Variants in ZSWIM5 observed in about 807,000 individuals in gnomAD.
ZSWIM5 encodes zinc finger SWIM-type containing 5, also known as zinc finger SWIM domain-containing protein 5.
In ZSWIM5, 55 loss-of-function variants were observed where a neutral mutation model predicts 119.6. The ratio of observed to expected loss-of-function variants is 0.46; its 90% CI spans 0.37 to 0.58. The LOEUF is 0.58. ZSWIM5 is among the 20% of genes least tolerant of loss of function. The probability of loss-of-function intolerance (pLI) is 0.00; values close to 1 mark genes in which losing one functional copy is unlikely to be tolerated. For synonymous variants in ZSWIM5, 537 were observed against 606.9 expected, an observed-to-expected ratio of 0.88 and a Z score of 1.69; for missense variants, 1,193 against 1,512.8, an observed-to-expected ratio of 0.79 and a Z score of 3.51.
chr1:45,193,938 G>GTA (rs112350029), intron 1 of ZSWIM5, among the ~76,000 whole-genome samples: 3,329 of 146,160 alleles, frequency 0.023, 37 homozygotes, highest in South Asian at 0.047. Context: ...GTGCATATGT[G>GTA]TATATATATA....
At chr1:45,149,484 T>C (rs1645783005) in intron 1 of ZSWIM5, among the ~76,000 whole-genome samples, 1 of 152,214 alleles carries the variant, frequency 6.6e-6, no homozygotes, top group African/African-American at 2.4e-5. Context: ...AACTGATGGA[T>C]GAAAGTAATT....
At chr1:45,084,148 A>C (rs1360142566) in intron 2 of ZSWIM5, among the ~76,000 whole-genome samples, 1 of 152,080 alleles carries the variant, frequency 6.6e-6, no homozygotes, top group East Asian at 1.9e-4. Context: ...GTGTGCAAGC[A>C]ATCCACACAC....
At chr1:45,058,870 C>A in intron 3 of ZSWIM5, 111 bp from the exon 4 acceptor site, 1 of 1,236,692 alleles carries the variant, frequency 8.1e-7, no homozygotes. Flanking sequence ...TACACCATAT[C>A]CAAAAGAGCC....
intron 1 of ZSWIM5, among the ~76,000 whole-genome samples, chr1:45,198,881 T>C (rs938914004): frequency 9.2e-5 from 14 of 152,256 alleles, no homozygotes; most frequent in Non-Finnish European, 1.9e-4. Flanking sequence ...ATAAAGTTTA[T>C]ACTTTTAATT....
chr1:45,133,585 C>T (rs1217531977), intron 1 of ZSWIM5, among the ~76,000 whole-genome samples: 1 of 152,164 alleles, frequency 6.6e-6, no homozygotes, highest in Non-Finnish European at 1.5e-5. Context: ...ATGGTAGTTT[C>T]TTTTGCTGTG....
chr1:45,125,279 A>G (rs994314606), intron 1 of ZSWIM5, among the ~76,000 whole-genome samples: 12 of 152,348 alleles, frequency 7.9e-5, no homozygotes, highest in Middle Eastern at 3.4e-3. Flanking sequence ...CTAGAAGTCA[A>G]TAACAGAAAG....
At chr1:45,131,626 G>A (rs1200543269) in intron 1 of ZSWIM5, among the ~76,000 whole-genome samples, 4 of 150,778 alleles carry the variant, frequency 2.7e-5, no homozygotes, top group African/African-American at 7.3e-5. Context: ...TCGGGAGGCT[G>A]AGGCACGAGA....
chr1:45,090,873 G>A lies in ZSWIM5; in HGVS notation c.596-2636C>T, dbSNP rs1645360761. On this transcript the variant is annotated intron_variant, in intron 1 of 13. Transcript: ENST00000359600. Reference sequence around the variant, plus strand: ...AACTAAAGAAGAGAACTGTAGGGTTGGGAAGCAGCTCCTCTCCAGACCTAT... The same window carrying A: ...AACTAAAGAAGAGAACTGTAGGGTTAGGAAGCAGCTCCTCTCCAGACCTAT... 4.0e-5 allele frequency among the ~76,000 whole-genome samples: 6 copies of A among 151,830 alleles called. No individual in the cohort carries two copies. The South Asian group carries it at 1.2e-3, about 32-fold the overall frequency.
In ZSWIM5 at chr1:45,036,019, A is replaced by G. The variant is rs145892498; in HGVS notation, c.2155+20T>C. On this transcript the variant is annotated intron_variant, in intron 9 of 13. Coordinates refer to ENST00000359600, the MANE Select transcript of ZSWIM5 (RefSeq NM_020883.2). Reference sequence around the variant, plus strand: ...GTCATGGGCCAAAGACACCGTGACAAGAGACTCTTTTCTACTTACCTTCCA... The same window carrying G: ...GTCATGGGCCAAAGACACCGTGACAGGAGACTCTTTTCTACTTACCTTCCA... 9.3e-6 allele frequency: 15 copies of G among 1,609,254 alleles called. No homozygotes were observed. Among genetic ancestry groups the G allele is most frequent in the African/African-American group, 1.3e-5 (1 of 74,936 alleles).
chr1:45,023,195 T>C (rs1644898666), intron 11 of ZSWIM5, among the ~76,000 whole-genome samples: 1 of 152,226 alleles, frequency 6.6e-6, no homozygotes, highest in Non-Finnish European at 1.5e-5. Flanking sequence ...TCATATAAAA[T>C]AGTTTCACCT....
chr1:45,160,617 CT>C (rs1645857453), intron 1 of ZSWIM5, among the ~76,000 whole-genome samples: 1 of 150,924 alleles, frequency 6.6e-6, no homozygotes, highest in Admixed American at 6.6e-5. Context: ...TTCATTCATT[CT>C]TATGGCCGAA....
At chr1:45,163,016 GCCT>G (rs1437076328) in intron 1 of ZSWIM5, among the ~76,000 whole-genome samples, 1 of 152,224 alleles carries the variant, frequency 6.6e-6, no homozygotes, top group Non-Finnish European at 1.5e-5. Context: ...CAGACAGACT[GCCT>G]CCTCAAGTGG....
chr1:45,095,154 G>A (rs1033997069), intron 1 of ZSWIM5, among the ~76,000 whole-genome samples: 6 of 150,548 alleles, frequency 4.0e-5, no homozygotes, highest in Non-Finnish European at 7.4e-5. Flanking sequence ...TTGAGACAGG[G>A]TCTCTCTCTG....
chr1:45,157,913 G>A (rs1645839880), intron 1 of ZSWIM5, among the ~76,000 whole-genome samples: 1 of 152,042 alleles, frequency 6.6e-6, no homozygotes, highest in Non-Finnish European at 1.5e-5. Context: ...TTTCCCTGAT[G>A]ACTAATGATT....
chr1:45,018,329 G>T lies in ZSWIM5; in HGVS notation c.*125C>A. The T allele has an allele frequency of 8.3e-7, 1 of 1,199,064 alleles. No homozygotes were observed. Among genetic ancestry groups the T allele is most frequent in the Non-Finnish European group, 1.2e-6 (1 of 861,776 alleles). The allele number at this position is 1,199,064 out of a possible 1,614,324, so 74.3% of individuals were successfully genotyped here. A position where few individuals can be genotyped will look rare whatever the true frequency, so the allele number is the denominator to read the frequency against. On this transcript the variant is annotated 3_prime_UTR_variant, in exon 14 of 14. Coordinates refer to ENST00000359600, the MANE Select transcript of ZSWIM5 (RefSeq NM_020883.2). The surrounding 1 kb of genome is among the most constrained non-coding windows in gnomAD (Gnocchi z 6.7). ...GGACTTTCCCCATCCTTAGCCCTGT[G>T]GTCCTTTGGCCTCATCCACAGGTGC...
At chr1:45,149,539 T>C (rs976073653) in intron 1 of ZSWIM5, among the ~76,000 whole-genome samples, 1 of 152,200 alleles carries the variant, frequency 6.6e-6, no homozygotes, top group Non-Finnish European at 1.5e-5. Context: ...AAGGGACTGA[T>C]TTATAGCTTT....
chr1:45,186,155 A>G (rs1025851566), intron 1 of ZSWIM5, among the ~76,000 whole-genome samples: 2 of 150,962 alleles, frequency 1.3e-5, no homozygotes, highest in African/African-American at 4.9e-5. Flanking sequence ...ACAAGGACAA[A>G]AAACCAAACA....
chr1:45,053,268 G>A (rs186034928), intron 4 of ZSWIM5, among the ~76,000 whole-genome samples: 114 of 152,124 alleles, frequency 7.5e-4, no homozygotes, highest in African/African-American at 2.5e-3. Context: ...AATCTTCACA[G>A]GTAAAAAAGA....
At chr1:45,191,769 A>C (rs1446758206) in intron 1 of ZSWIM5, among the ~76,000 whole-genome samples, 2 of 152,210 alleles carry the variant, frequency 1.3e-5, no homozygotes, top group Non-Finnish European at 2.9e-5. Context: ...TTTAGAGCTC[A>C]TTCTCTACGA....
Sources: allele counts gnomAD v4.1 joint callset (sites outside exome capture counted in the v4.1 genomes callset), GRCh38; gene constraint gnomAD v4.1.1; non-coding constraint Gnocchi (gnomAD v3.1); transcripts MANE v1.5; gene names NCBI Gene and HGNC (gene_info 2026-07-23, HGNC 2026-07-21).